Variants in ZNF536 observed in about 807,000 individuals in gnomAD.
ZNF536 encodes the protein zinc finger protein 536.
Under a neutral mutation model 84.5 loss-of-function variants are expected in ZNF536, and 13 were observed. The ratio of observed to expected loss-of-function variants is 0.15; its 90% CI spans 0.10 to 0.24. The LOEUF is 0.24. Among genes scored for constraint, ZNF536 ranks in the 10% least tolerant of loss-of-function variants. The probability of loss-of-function intolerance (pLI) is 1.00; values close to 1 mark genes in which losing one functional copy is unlikely to be tolerated. For missense variants in ZNF536, 1,536 were observed against 1,747.5 expected, an observed-to-expected ratio of 0.88 and a Z score of 2.16; for synonymous variants, 811 against 742.5, an observed-to-expected ratio of 1.09 and a Z score of -1.50.
At chr19:30,380,170 G>A (rs2048967947) in intron 1 of ZNF536, among the ~76,000 whole-genome samples, 1 of 152,168 alleles carries the variant, frequency 6.6e-6, no homozygotes, top group Non-Finnish European at 1.5e-5. Flanking sequence ...CTTCAGGGAG[G>A]GCCTTTCTGT....
chr19:30,709,179 C>T (rs568915320), intron 1 of ZNF536, among the ~76,000 whole-genome samples: 9 of 152,270 alleles, frequency 5.9e-5, no homozygotes, highest in Non-Finnish European at 1.0e-4. Flanking sequence ...ATTAGGTGAA[C>T]GTCCACAGGA....
rs76306247 is a variant in ZNF536 at position 30,228,861 on chromosome 19, T to C, written c.-190+188T>C. The C allele has an allele frequency of 0.16, 24,018 of 150,536 alleles. 1,978 individuals are homozygous for C. Among genetic ancestry groups the C allele is most frequent in the Middle Eastern group, 0.23 (68 of 294 alleles). 9.3% of individuals were successfully genotyped at this position (150,536 alleles called of 1,614,324 possible). ...GGCTGCTCGCACAACTTTTTTTTTT[T>C]CCCCCGTCTGCTGACTTTTCGGGCC... On this transcript the variant is annotated intron_variant, in intron 1 of 5. Transcript: ENST00000585628. This position sits in a 1 kb window ranked among gnomAD's most constrained non-coding sequence, Gnocchi z 4.5.
At chr19:30,322,162 T>A (rs774201928) in intron 2 of ZNF536, among the ~76,000 whole-genome samples, 3 of 152,240 alleles carry the variant, frequency 2.0e-5, no homozygotes, top group Non-Finnish European at 4.4e-5. Context: ...AGGCATCACG[T>A]GATTTGTATT....
At chr19:30,618,068 C>G (rs1472953219) in intron 1 of ZNF536, among the ~76,000 whole-genome samples, 1 of 152,178 alleles carries the variant, frequency 6.6e-6, no homozygotes. Context: ...TTTTTAAGTA[C>G]TTGATTAGCG....
At chr19:30,356,525 G>T (rs957633203) in intron 3 of ZNF536, among the ~76,000 whole-genome samples, 4 of 152,176 alleles carry the variant, frequency 2.6e-5, no homozygotes, top group Non-Finnish European at 5.9e-5. Context: ...ATTTCTATGT[G>T]ATAATGATGA....
Position 30,548,378 on chromosome 19 carries a change from C to A in ZNF536, c.2759C>A (p.Ala920Asp), listed in dbSNP as rs1214595325. The A allele has an allele frequency of 2.5e-6, 4 of 1,614,142 alleles. No individual in the cohort carries two copies. Among genetic ancestry groups the A allele is most frequent in the Non-Finnish European group, 3.4e-6 (4 of 1,180,018 alleles). Residue 920 changes from alanine (A) to aspartate (D), a missense_variant, in exon 4 of 5, where the codon GCT becomes GAT. Coordinates refer to ENST00000355537, the MANE Select transcript of ZNF536 (RefSeq NM_014717.3). ...NGVNFQGSLQ[A>D]FMDSFVLSSL... ...GTGAATTTCCAAGGGTCCTTGCAAG[C>A]TTTCATGGACAGTTTTGTCCTCAGT...
At position 30,549,037 on chromosome 19, in the gene ZNF536, C is replaced by T. The variant is rs2045670657; in HGVS notation, c.3418C>T (p.His1140Tyr). 6.2e-7 allele frequency: 1 copy of T among 1,614,168 alleles called. No individual in the cohort carries two copies. The highest frequency in any genetic ancestry group is 1.3e-5 in the African/African-American group (1 of 75,040). ...CPNKEPDGKAHSEEDVPILIP... is the reference protein window; with the variant it reads ...CPNKEPDGKAYSEEDVPILIP... ...CAACAAGGAGCCTGATGGAAAGGCC[C>T]ACTCTGAAGAGGATGTCCCCATCCT... The change falls in exon 4 of 5, where the codon CAC (histidine) becomes TAC (tyrosine). Residue 1140 changes from histidine to tyrosine, a missense_variant. This residue lies in a region of ZNF536 where 624 missense variants were observed against 603.1 expected (regional missense o/e 1.03). Transcript: ENST00000355537.
At chr19:30,405,780 A>ATT (rs199547095) in intron 1 of ZNF536, among the ~76,000 whole-genome samples, 105 of 141,642 alleles carry the variant, frequency 7.4e-4, no homozygotes, top group African/African-American at 2.5e-3. Flanking sequence ...CACTGTTAAC[A>ATT]TTTTTTTTTT....
At chr19:30,701,008 G>A (rs977515337) in intron 1 of ZNF536, among the ~76,000 whole-genome samples, 3 of 152,160 alleles carry the variant, frequency 2.0e-5, no homozygotes, top group African/African-American at 7.2e-5. Context: ...CTCTCCACTT[G>A]ATCACCTGCT....
chr19:30,227,344 G>A (rs185860993), upstream of ZNF536, among the ~76,000 whole-genome samples: 873 of 152,278 alleles, frequency 5.7e-3, 12 homozygotes, highest in Non-Finnish European at 6.1e-3. Flanking sequence ...TCCCGAGTTA[G>A]GTGGAGGATT....
chr19:30,442,443 A>C (rs1480005815), intron 1 of ZNF536, among the ~76,000 whole-genome samples: 4 of 152,280 alleles, frequency 2.6e-5, no homozygotes, highest in African/African-American at 9.6e-5. Flanking sequence ...ATATTGGGAA[A>C]GTTATTAAAA....
chr19:30,559,934 A>T (rs1042365960), downstream of ZNF536, among the ~76,000 whole-genome samples: 10 of 152,040 alleles, frequency 6.6e-5, no homozygotes, highest in Admixed American at 6.5e-4. Context: ...TCAAGCTTAG[A>T]GGGGGCCTTT....
chr19:30,397,007 A>T (rs967516159), intron 1 of ZNF536, among the ~76,000 whole-genome samples: 1 of 152,116 alleles, frequency 6.6e-6, no homozygotes, highest in Non-Finnish European at 1.5e-5. Context: ...TAGAGCCCAG[A>T]GCTCCCAGTT....
At chr19:30,653,211 T>G (rs368266439) in intron 1 of ZNF536, among the ~76,000 whole-genome samples, 1 of 152,228 alleles carries the variant, frequency 6.6e-6, no homozygotes, top group African/African-American at 2.4e-5. Flanking sequence ...ATGATGCAGA[T>G]TCTGACTCAG....
intron 2 of ZNF536, among the ~76,000 whole-genome samples, chr19:30,309,778 T>C (rs943684063): frequency 6.6e-6 from 1 of 152,208 alleles, no homozygotes; most frequent in Admixed American, 6.5e-5. Flanking sequence ...GGTGGAACAA[T>C]GTTTCCATTC....
At position 30,443,629 on chromosome 19, in the gene ZNF536, G is replaced by T. The variant is rs2148146511; in HGVS notation, c.67G>T (p.Gly23Cys). The change falls in exon 2 of 5, where the codon GGC (glycine) becomes TGC (cysteine). Residue 23 changes from glycine (G) to cysteine (C), a missense_variant. Transcript: ENST00000355537. ...AEPEAEPHLS[G>C]PVLNGQYAMS... ...GCCGGAAGCTGAGCCCCACCTGAGT[G>T]GCCCCGTCCTCAACGGCCAGTATGC... 1.2e-6 allele frequency: 2 copies of T among 1,608,392 alleles called. No individual in the cohort carries two copies.
In ZNF536 at chr19:30,270,273, G is replaced by A. The variant is rs73924257; in HGVS notation, c.-189-13799G>A. Among the ~76,000 whole-genome samples, 634 of 152,292 alleles carry A rather than the reference G, an allele frequency of 4.2e-3. 4 individuals carry two copies. Among genetic ancestry groups the A allele is most frequent in the African/African-American group, 0.015 (605 of 41,554 alleles). On this transcript the variant is annotated intron_variant, in intron 1 of 5. Transcript: ENST00000585628. The stretch of plus-strand genomic sequence containing the variant: ...CCCCTGGAATATACATTGAAGTTAA[G>A]CTGAGTTGAGTAATTATAATGCTAT...
intron 1 of ZNF536, among the ~76,000 whole-genome samples, chr19:30,692,541 GA>G (rs2051454425): frequency 6.6e-6 from 1 of 152,220 alleles, no homozygotes; most frequent in Non-Finnish European, 1.5e-5. Context: ...TTTAAGGGGG[GA>G]AATCTCAAAT....
chr19:30,599,851 T>C (rs569791964), intron 1 of ZNF536, among the ~76,000 whole-genome samples: 62 of 152,278 alleles, frequency 4.1e-4, no homozygotes, highest in Middle Eastern at 3.4e-3. Flanking sequence ...CCTCACAGGA[T>C]TTTCATCTTT....
Sources: gnomAD v4.1 joint callset for allele counts (sites outside exome capture counted in the v4.1 genomes callset) on GRCh38, gnomAD v4.1.1 for gene constraint, gnomAD v4.1.1 regional missense constraint, Gnocchi (gnomAD v3.1) non-coding constraint, MANE v1.5 for transcripts, NCBI Gene and HGNC (gene_info 2026-07-23, HGNC 2026-07-21) for gene names.